The following COL25A1 variants were observed in gnomAD, a reference collection of about 807,000 sequenced individuals.
COL25A1 encodes the protein collagen alpha-1(XXV) chain.
COL25A1 carries 103 observed loss-of-function variants against 128.4 expected under a neutral mutation model. The observed-to-expected ratio is 0.80, with a 90% CI of 0.68 to 0.94. COL25A1 has a LOEUF of 0.94. Among genes scored for constraint, COL25A1 ranks in the 40% least tolerant of loss-of-function variants. COL25A1 has a pLI of 0.00. For missense variants in COL25A1, 745 were observed against 840.0 expected, an observed-to-expected ratio of 0.89 and a Z score of 1.40; for synonymous variants, 279 against 277.2, an observed-to-expected ratio of 1.01 and a Z score of -0.06.
chr4:109,206,462 G>C (rs1201731280), intron 3 of COL25A1, among the ~76,000 whole-genome samples: 4 of 151,998 alleles, frequency 2.6e-5, no homozygotes, highest in Non-Finnish European at 5.9e-5. Flanking sequence ...AATCCAAGAA[G>C]GTATAATTCT....
chr4:109,115,148 A>C (rs888330320), intron 3 of COL25A1, among the ~76,000 whole-genome samples: 2 of 152,120 alleles, frequency 1.3e-5, no homozygotes, highest in Non-Finnish European at 2.9e-5. Context: ...TTCTTGTAAT[A>C]GTAGTTATAA....
At chr4:108,909,226 G>A (rs997490332) in intron 13 of COL25A1, among the ~76,000 whole-genome samples, 2 of 152,190 alleles carry the variant, frequency 1.3e-5, no homozygotes, top group Admixed American at 6.5e-5. Flanking sequence ...GCAAGATGGA[G>A]TTGGTTGAGT....
At position 108,830,060 on chromosome 4, in the gene COL25A1, A is replaced by G. The variant is rs189930143; in HGVS notation, c.1710+2320T>C. Among the ~76,000 whole-genome samples the G allele has an allele frequency of 9.8e-5, 15 of 152,306 alleles. No individual in the cohort carries two copies. The East Asian group carries it at 2.9e-3, about 29-fold the overall frequency. On this transcript the variant is annotated intron_variant, in intron 32 of 37. Coordinates refer to ENST00000399132, the MANE Select transcript of COL25A1 (RefSeq NM_198721.4). ...CTTATATAAAATAATGTATTTCTTT[A>G]TTGTGTAAGCCATTTTGAATTTGTC...
intron 13 of COL25A1, among the ~76,000 whole-genome samples, chr4:108,909,365 A>G (rs1009595505): frequency 2.0e-5 from 3 of 152,240 alleles, no homozygotes; most frequent in African/African-American, 7.2e-5. Flanking sequence ...CCAGGAACTT[A>G]ATACAAATAC....
chr4:109,216,430 A>G lies in COL25A1; in HGVS notation c.367+84153T>C, dbSNP rs531262343. On this transcript the variant is annotated intron_variant, in intron 3 of 37. Transcript: ENST00000399132. ...GAGATATGCTCAAGTTCTAACCCAC[A>G]ATACCTGTGTATATGACCTTATTTG... is the stretch of plus-strand genomic sequence containing the variant. Among the ~76,000 whole-genome samples the G allele has an allele frequency of 7.9e-5, 12 of 152,280 alleles. No homozygotes were observed. The East Asian group carries it at 2.3e-3, about 29-fold the overall frequency.
At chr4:108,843,964 C>A (rs1734771641) in intron 30 of COL25A1, among the ~76,000 whole-genome samples, 1 of 152,040 alleles carries the variant, frequency 6.6e-6, no homozygotes, top group Non-Finnish European at 1.5e-5. Flanking sequence ...AGGGCATGAT[C>A]ACAACTCACT....
At chr4:108,905,158 T>C (rs371473435) in intron 13 of COL25A1, among the ~76,000 whole-genome samples, 5 of 152,286 alleles carry the variant, frequency 3.3e-5, no homozygotes, top group East Asian at 3.9e-4. Context: ...AATGGACCTA[T>C]ACGTTATACC....
At chr4:108,854,741 GGAACACT>G in intron 24 of COL25A1, among the ~76,000 whole-genome samples, 1 of 152,220 alleles carries the variant, frequency 6.6e-6, no homozygotes, top group South Asian at 2.1e-4. Context: ...TGGAGAAATA[GGAACACT>G]TTTACACTGT....
intron 16 of COL25A1, 125 bp from the exon 17 acceptor site, chr4:108,889,858 G>T: frequency 1.4e-6 from 1 of 718,624 alleles, no homozygotes; most frequent in Non-Finnish European, 2.4e-6. Flanking sequence ...GCCTAACTAC[G>T]TTCCAGAAGA....
At chr4:108,921,167 GTA>G (rs1235449277) in intron 11 of COL25A1, among the ~76,000 whole-genome samples, 1 of 152,168 alleles carries the variant, frequency 6.6e-6, no homozygotes, top group Non-Finnish European at 1.5e-5. Context: ...GTGATACCGA[GTA>G]TATACTAGAA....
At chr4:109,062,838 A>C (rs1308165569) in intron 3 of COL25A1, among the ~76,000 whole-genome samples, 1 of 152,234 alleles carries the variant, frequency 6.6e-6, no homozygotes, top group African/African-American at 2.4e-5. Flanking sequence ...CAGAACATGA[A>C]AATGGATTAC....
intron 8 of COL25A1, among the ~76,000 whole-genome samples, chr4:108,960,456 A>G (rs1750561523): frequency 6.6e-6 from 1 of 152,176 alleles, no homozygotes; most frequent in East Asian, 1.9e-4. Flanking sequence ...AACATGAGAT[A>G]AAATTATGCC....
At chr4:109,114,426 A>G (rs930405649) in intron 3 of COL25A1, among the ~76,000 whole-genome samples, 1 of 152,062 alleles carries the variant, frequency 6.6e-6, no homozygotes, top group African/African-American at 2.4e-5. Context: ...GGGAGATGAC[A>G]GAATCAAAAA....
At chr4:108,964,663 C>T (rs998285080) in intron 8 of COL25A1, among the ~76,000 whole-genome samples, 28 of 152,038 alleles carry the variant, frequency 1.8e-4, no homozygotes, top group Middle Eastern at 3.4e-3. Flanking sequence ...ACACATCTAC[C>T]ATTGTTTGTA....
Position 108,813,895 on chromosome 4 carries a change from T to C in COL25A1, c.*32A>G, listed in dbSNP as rs199832949. On this transcript the variant is annotated 3_prime_UTR_variant, in exon 38 of 38. Coordinates refer to ENST00000399132, the MANE Select transcript of COL25A1 (RefSeq NM_198721.4). ...TAAATATTAAAAATGGACCCTTATA[T>C]ACACAACTTCATGCTTGAAAGGTTA... 746 of 1,566,652 alleles carry C rather than the reference T, an allele frequency of 4.8e-4. 1 individual carries two copies. The highest frequency in any genetic ancestry group is 7.1e-4 in the Admixed American group (41 of 57,784).
At chr4:109,018,891 A>G (rs1175204765) in intron 5 of COL25A1, among the ~76,000 whole-genome samples, 1 of 152,212 alleles carries the variant, frequency 6.6e-6, no homozygotes, top group Non-Finnish European at 1.5e-5. Flanking sequence ...TGTTCACTGC[A>G]GAATAAATGC....
intron 3 of COL25A1, among the ~76,000 whole-genome samples, chr4:109,068,339 G>C (rs1227976110): frequency 6.6e-6 from 1 of 152,022 alleles, no homozygotes; most frequent in East Asian, 1.9e-4. Flanking sequence ...TAAGGACCTG[G>C]TGCACATGCA....
At chr4:109,237,220 C>CA (rs1411191127) in intron 3 of COL25A1, among the ~76,000 whole-genome samples, 2 of 151,556 alleles carry the variant, frequency 1.3e-5, no homozygotes, top group African/African-American at 2.4e-5. Flanking sequence ...AGAGAGGAAA[C>CA]AAAAAAACAT....
At chr4:109,076,527 G>A (rs1025200143) in intron 3 of COL25A1, among the ~76,000 whole-genome samples, 5 of 152,132 alleles carry the variant, frequency 3.3e-5, no homozygotes, top group African/African-American at 1.2e-4. Context: ...AGTAAGTACA[G>A]TAGAGCAGTG....
Sources: allele counts gnomAD v4.1 joint callset (sites outside exome capture counted in the v4.1 genomes callset), GRCh38; gene constraint gnomAD v4.1.1; transcripts MANE v1.5; gene names NCBI Gene and HGNC (gene_info 2026-07-23, HGNC 2026-07-21).